PTPRG: variants seen among roughly 807,000 people sequenced by gnomAD.
PTPRG encodes the protein receptor-type tyrosine-protein phosphatase gamma.
PTPRG carries 102 observed loss-of-function variants against 165.3 expected under a neutral mutation model. The observed-to-expected ratio is 0.62, with a 90% confidence interval of 0.53 to 0.73. PTPRG has a LOEUF of 0.73. PTPRG is among the 30% of genes least tolerant of loss of function. PTPRG has a pLI of 0.00. For missense variants in PTPRG, 1,866 were observed against 1,861.4 expected, an observed-to-expected ratio of 1.00 and a Z score of -0.05; for synonymous variants, 675 against 669.5, an observed-to-expected ratio of 1.01 and a Z score of -0.13.
At chr3:62,196,264 G>A (rs1201962464) in intron 10 of PTPRG, among the ~76,000 whole-genome samples, 1 of 151,652 alleles carries the variant, frequency 6.6e-6, no homozygotes, top group Non-Finnish European at 1.5e-5. Flanking sequence ...TTGGTGGTGC[G>A]TGCCTGTAAT....
At chr3:62,263,640 G>T (rs568616745) in intron 17 of PTPRG, 1 of 152,328 alleles carries the variant, frequency 6.6e-6, no homozygotes, top group Non-Finnish European at 1.5e-5. Flanking sequence ...ATTTAAATTG[G>T]ACCACTTAAA....
intron 5 of PTPRG, among the ~76,000 whole-genome samples, chr3:62,100,396 G>A (rs115091717): frequency 1.5e-3 from 229 of 152,106 alleles, no homozygotes; most frequent in African/African-American, 5.3e-3. Flanking sequence ...AGCAGGAGCC[G>A]TCTTTACCCT....
chr3:62,058,460 C>T (rs995670785), intron 4 of PTPRG, among the ~76,000 whole-genome samples: 5 of 152,100 alleles, frequency 3.3e-5, no homozygotes, highest in African/African-American at 1.2e-4. Flanking sequence ...AGCCACTGCA[C>T]CCAGCTGGAT....
At chr3:62,242,570 A>C (rs1458047468) in intron 14 of PTPRG, among the ~76,000 whole-genome samples, 1 of 152,176 alleles carries the variant, frequency 6.6e-6, no homozygotes, top group Non-Finnish European at 1.5e-5. Context: ...TGGTTATAAT[A>C]GCCTGTATAA....
chr3:62,224,587 T>G lies in PTPRG; in HGVS notation c.2288+5604T>G, dbSNP rs1387766340. ...AGTATTCTTAAATATTTAAACCCATTGGTATCATTGAATTATGTATATGTT... is the reference window on the plus strand; with the variant it reads ...AGTATTCTTAAATATTTAAACCCATGGGTATCATTGAATTATGTATATGTT... On this transcript the variant is annotated intron_variant, in intron 13 of 29. Transcript: ENST00000474889. The surrounding 1 kb of genome is among the most constrained non-coding windows in gnomAD (Gnocchi z 4.9). Among the ~76,000 whole-genome samples, 1 of 152,192 alleles carries G rather than the reference T, an allele frequency of 6.6e-6. No individual in the cohort carries two copies. The highest frequency in any genetic ancestry group is 1.5e-5 in the Non-Finnish European group (1 of 68,038).
intron 2 of PTPRG, among the ~76,000 whole-genome samples, chr3:61,968,140 A>C (rs1313915669): frequency 6.6e-6 from 1 of 152,244 alleles, no homozygotes; most frequent in African/African-American, 2.4e-5. Context: ...CATTTTGGCC[A>C]TAAACAAGTA....
chr3:61,738,346 A>ATATGTGTATATATATATATGTATATATG (rs2032841171), intron 1 of PTPRG, among the ~76,000 whole-genome samples: 2 of 142,786 alleles, frequency 1.4e-5, no homozygotes, highest in Admixed American at 7.1e-5. Context: ...ATGTATATAT[A>ATATGTGTATATATATATATGTATATATG]TATATAAACC....
At chr3:61,920,480 C>G (rs1462827355) in intron 2 of PTPRG, among the ~76,000 whole-genome samples, 1 of 152,192 alleles carries the variant, frequency 6.6e-6, no homozygotes, top group African/African-American at 2.4e-5. Context: ...ACTGCAAACT[C>G]CACCTCCCGG....
chr3:61,586,720 G>A (rs1315150571), intron 1 of PTPRG, among the ~76,000 whole-genome samples: 2 of 152,158 alleles, frequency 1.3e-5, no homozygotes, highest in Non-Finnish European at 2.9e-5. Flanking sequence ...ACATCCCTTC[G>A]GTCTGGATGT....
intron 1 of PTPRG, among the ~76,000 whole-genome samples, chr3:61,738,506 T>A (rs1449663904): frequency 6.6e-6 from 1 of 151,306 alleles, no homozygotes; most frequent in Non-Finnish European, 1.5e-5. Context: ...ACCATGGTGC[T>A]CTATTCGACT....
chr3:62,050,299 C>T (rs980951358), intron 4 of PTPRG, among the ~76,000 whole-genome samples: 5 of 152,110 alleles, frequency 3.3e-5, no homozygotes, highest in Non-Finnish European at 5.9e-5. Context: ...TGTTTAGATA[C>T]CGAAATACTT....
At chr3:61,718,564 A>G (rs2031914956) in intron 1 of PTPRG, among the ~76,000 whole-genome samples, 1 of 152,238 alleles carries the variant, frequency 6.6e-6, no homozygotes, top group South Asian at 2.1e-4. Context: ...CAGAAAGCAC[A>G]GAAGGAGGTT....
chr3:61,930,660 A>T (rs1407541781), intron 2 of PTPRG, among the ~76,000 whole-genome samples: 1 of 152,232 alleles, frequency 6.6e-6, no homozygotes, highest in East Asian at 1.9e-4. Flanking sequence ...TGTGGAGTCA[A>T]GCGTCATTGT....
At chr3:62,202,926 T>C (rs565359629) in intron 11 of PTPRG, among the ~76,000 whole-genome samples, 1 of 152,360 alleles carries the variant, frequency 6.6e-6, no homozygotes, top group East Asian at 1.9e-4. Context: ...AGTGAAAAGC[T>C]GAGTTTGATC....
intron 4 of PTPRG, among the ~76,000 whole-genome samples, chr3:62,042,649 C>T (rs1417175487): frequency 2.0e-5 from 3 of 152,168 alleles, no homozygotes; most frequent in African/African-American, 7.2e-5. Flanking sequence ...TCTCCTCCAA[C>T]CTCCACTCCA....
At chr3:61,879,729 A>G (rs1003833631) in intron 2 of PTPRG, among the ~76,000 whole-genome samples, 4 of 152,090 alleles carry the variant, frequency 2.6e-5, no homozygotes, top group African/African-American at 9.7e-5. Context: ...TTCTTGCCTA[A>G]TTGCTGTAAC....
intron 2 of PTPRG, among the ~76,000 whole-genome samples, chr3:61,879,145 G>C (rs2037819470): frequency 6.6e-6 from 1 of 152,184 alleles, no homozygotes; most frequent in South Asian, 2.1e-4. Context: ...GCTCAGAAAA[G>C]TCATTGGACA....
intron 1 of PTPRG, among the ~76,000 whole-genome samples, chr3:61,724,217 C>CAAAA (rs1260061643): frequency 3.9e-5 from 5 of 128,714 alleles, no homozygotes; most frequent in East Asian, 5.1e-4. Context: ...CTCCCATCTC[C>CAAAA]AAAAAAAAAA....
chr3:61,650,993 T>G (rs760869999), intron 1 of PTPRG, among the ~76,000 whole-genome samples: 1 of 152,216 alleles, frequency 6.6e-6, no homozygotes, highest in East Asian at 1.9e-4. Context: ...AGTAAAAGTT[T>G]ATATGACTCT....
Sources: allele counts gnomAD v4.1 joint callset (sites outside exome capture counted in the v4.1 genomes callset), GRCh38; gene constraint gnomAD v4.1.1; non-coding constraint Gnocchi (gnomAD v3.1); transcripts MANE v1.5; gene names NCBI Gene and HGNC (gene_info 2026-07-23, HGNC 2026-07-21).